The following PTPRD variants were observed in gnomAD, a reference collection of about 807,000 sequenced individuals.
The protein encoded by PTPRD is receptor-type tyrosine-protein phosphatase delta.
PTPRD carries 34 observed loss-of-function variants against 214.5 expected under a neutral mutation model. The observed-to-expected ratio is 0.16, with a 90% CI of 0.12 to 0.21. The LOEUF is 0.21. Among genes scored for constraint, PTPRD ranks in the 10% least tolerant of loss-of-function variants. PTPRD has a pLI of 1.00. For missense variants in PTPRD, 2,545 were observed against 2,398.7 expected, an observed-to-expected ratio of 1.06 and a Z score of -1.27; for synonymous variants, 1,128 against 845.7, an observed-to-expected ratio of 1.33 and a Z score of -5.79.
chr9:8,613,055 C>T (rs1307825947), intron 14 of PTPRD, among the ~76,000 whole-genome samples: 1 of 152,064 alleles, frequency 6.6e-6, no homozygotes, highest in Non-Finnish European at 1.5e-5. Flanking sequence ...AATAACAAAA[C>T]CCTAACATTT....
chr9:9,911,576 C>T (rs962340009), intron 5 of PTPRD, among the ~76,000 whole-genome samples: 4 of 150,346 alleles, frequency 2.7e-5, no homozygotes, highest in South Asian at 2.1e-4. Context: ...ATAAAGTTAA[C>T]ATTCTGGAAA....
At chr9:8,728,338 A>G (rs904792418) in intron 12 of PTPRD, among the ~76,000 whole-genome samples, 2 of 152,220 alleles carry the variant, frequency 1.3e-5, no homozygotes, top group African/African-American at 4.8e-5. Context: ...ATCTAAAACA[A>G]AAACAAAAAG....
intron 11 of PTPRD, among the ~76,000 whole-genome samples, chr9:8,815,874 T>C (rs923176814): frequency 3.3e-5 from 5 of 152,338 alleles, no homozygotes; most frequent in African/African-American, 1.2e-4. Context: ...ACTGCTGTTA[T>C]TATTGAATGT....
intron 4 of PTPRD, among the ~76,000 whole-genome samples, chr9:9,984,725 A>C (rs575123764): frequency 6.6e-6 from 1 of 152,240 alleles, no homozygotes; most frequent in South Asian, 2.1e-4. Context: ...AGTGTCCTGA[A>C]GACCTTGGGA....
intron 5 of PTPRD, among the ~76,000 whole-genome samples, chr9:9,829,708 A>C (rs1196731221): frequency 6.6e-6 from 1 of 151,808 alleles, no homozygotes; most frequent in African/African-American, 2.4e-5. Context: ...TGCAGATTAC[A>C]ATTCTTTATT....
intron 11 of PTPRD, among the ~76,000 whole-genome samples, chr9:8,924,334 G>A (rs1178205345): frequency 6.6e-6 from 1 of 152,134 alleles, no homozygotes; most frequent in Non-Finnish European, 1.5e-5. Flanking sequence ...TAGTTCCTCA[G>A]CTCTCTTCTT....
At chr9:8,324,476 G>C (rs766420925) in intron 44 of PTPRD, among the ~76,000 whole-genome samples, 1 of 151,964 alleles carries the variant, frequency 6.6e-6, no homozygotes, top group African/African-American at 2.4e-5. Context: ...TATATGTGCC[G>C]CATTTTCTTT....
rs1010526520 is a variant in PTPRD at position 10,394,407 on chromosome 9, C to T, written c.-599-53390G>A. Among the ~76,000 whole-genome samples, 10 of 151,588 alleles carry T rather than the reference C, an allele frequency of 6.6e-5. No individual in the cohort carries two copies. In the South Asian group the frequency reaches 8.3e-4, roughly 13 times the overall value. On this transcript the variant is annotated intron_variant, in intron 2 of 45. Coordinates refer to ENST00000381196, the MANE Select transcript of PTPRD (RefSeq NM_002839.4). Reference sequence around the variant, plus strand: ...ATAATTTGGCAATAAATGAATAATGCCTTCTTCTTAGTTAGGAACATACAA... The same window carrying T: ...ATAATTTGGCAATAAATGAATAATGTCTTCTTCTTAGTTAGGAACATACAA...
intron 2 of PTPRD, among the ~76,000 whole-genome samples, chr9:10,540,940 A>C (rs1279422607): frequency 6.6e-6 from 1 of 152,210 alleles, no homozygotes; most frequent in Non-Finnish European, 1.5e-5. Flanking sequence ...GTGCACTGGC[A>C]GGGGTGTATG....
chr9:9,150,448 G>A (rs1592474063), intron 10 of PTPRD, among the ~76,000 whole-genome samples: 1 of 145,712 alleles, frequency 6.9e-6, no homozygotes, highest in African/African-American at 2.5e-5. Context: ...TAATATATAT[G>A]TATGTAACAT....
chr9:8,373,846 A>ATGTATGTATGTATGTG (rs576820766), intron 39 of PTPRD, among the ~76,000 whole-genome samples: 4 of 113,288 alleles, frequency 3.5e-5, no homozygotes, highest in African/African-American at 1.3e-4. Flanking sequence ...GTATGTATGT[A>ATGTATGTATGTATGTG]TGTGTATGTG....
intron 14 of PTPRD, among the ~76,000 whole-genome samples, chr9:8,597,027 A>G (rs142392428): frequency 1.0e-3 from 155 of 152,248 alleles, no homozygotes; most frequent in African/African-American, 3.5e-3. Context: ...TTACACTAAA[A>G]AATATGGTAG....
intron 4 of PTPRD, among the ~76,000 whole-genome samples, chr9:10,017,475 T>G (rs2096744857): frequency 6.6e-6 from 1 of 152,156 alleles, no homozygotes; most frequent in South Asian, 2.1e-4. Flanking sequence ...GGATTATACC[T>G]TATTTAAGCA....
intron 19 of PTPRD, among the ~76,000 whole-genome samples, chr9:8,522,763 G>A (rs1484110970): frequency 6.6e-6 from 1 of 152,094 alleles, no homozygotes; most frequent in Non-Finnish European, 1.5e-5. Flanking sequence ...GGCTTTTACT[G>A]GCAAAATGTC....
At chr9:10,323,458 C>T (rs539956664) in intron 3 of PTPRD, among the ~76,000 whole-genome samples, 1 of 151,056 alleles carries the variant, frequency 6.6e-6, no homozygotes, top group South Asian at 2.1e-4. Context: ...CTATGCCTGG[C>T]TAATTTTGTT....
At chr9:10,258,253 C>T (rs1374047446) in intron 3 of PTPRD, among the ~76,000 whole-genome samples, 1 of 151,148 alleles carries the variant, frequency 6.6e-6, no homozygotes, top group Non-Finnish European at 1.5e-5. Context: ...TCAGGTTTGA[C>T]ACATTTCTGC....
At chr9:9,285,915 T>A (rs1197492471) in intron 9 of PTPRD, among the ~76,000 whole-genome samples, 1 of 151,894 alleles carries the variant, frequency 6.6e-6, no homozygotes, top group East Asian at 2.0e-4. Context: ...AATTAGTGTA[T>A]CTTCTCAGTC....
chr9:10,080,264 A>T (rs2098213842), intron 3 of PTPRD, among the ~76,000 whole-genome samples: 1 of 152,148 alleles, frequency 6.6e-6, no homozygotes, highest in South Asian at 2.1e-4. Flanking sequence ...GGAAAATCAG[A>T]CAGGAGCAGG....
intron 3 of PTPRD, among the ~76,000 whole-genome samples, chr9:10,316,350 T>G (rs1427266462): frequency 6.6e-6 from 1 of 151,818 alleles, no homozygotes; most frequent in South Asian, 2.1e-4. Context: ...TTAGTTATAG[T>G]AACAGAAGAC....
Sources: allele counts gnomAD v4.1 joint callset (sites outside exome capture counted in the v4.1 genomes callset), GRCh38; gene constraint gnomAD v4.1.1; transcripts MANE v1.5; gene names NCBI Gene and HGNC (gene_info 2026-07-23, HGNC 2026-07-21).